The following RERG variants were observed in gnomAD, a reference collection of about 807,000 sequenced individuals.
RERG encodes the protein RAS like estrogen regulated growth inhibitor.
Under a neutral mutation model 23.2 loss-of-function variants are expected in RERG, and 25 were observed. The ratio of observed to expected loss-of-function variants is 1.08; its 90% CI spans 0.79 to 1.50. The LOEUF is 1.50. RERG is among the 40% of genes most tolerant of loss of function. The pLI is 0.00. For missense variants in RERG, 253 were observed against 250.1 expected, an observed-to-expected ratio of 1.01 and a Z score of -0.08; for synonymous variants, 81 against 89.1, an observed-to-expected ratio of 0.91 and a Z score of 0.51.
chr12:15,143,398 A>G (rs1864274133), intron 2 of RERG, among the ~76,000 whole-genome samples: 1 of 152,028 alleles, frequency 6.6e-6, no homozygotes, highest in African/African-American at 2.4e-5. Context: ...TATATAATGT[A>G]TATATTATAT....
chr12:15,110,463 CTTTTTTTTTTTTTTTTTTTTTT>C (rs869218147), intron 4 of RERG, among the ~76,000 whole-genome samples: 1 of 73,082 alleles, frequency 1.4e-5, no homozygotes, highest in Non-Finnish European at 2.4e-5. Context: ...CCATTTTTTT[CTTTTTTTTTTTTTTTTTTTTTT>C]TTTTTTTTAC....
At chr12:15,219,472 A>G (rs569159033) in intron 1 of RERG, among the ~76,000 whole-genome samples, 1 of 152,342 alleles carries the variant, frequency 6.6e-6, no homozygotes, top group South Asian at 2.1e-4. Flanking sequence ...TGTCTAAGTA[A>G]TCATTATTAG....
In RERG at chr12:15,122,368, A is replaced by G. The variant is rs115616023; in HGVS notation, c.62-1249T>C. On this transcript the variant is annotated intron_variant, in intron 2 of 4. Coordinates refer to ENST00000256953, the MANE Select transcript of RERG (RefSeq NM_032918.3). ...CTTTGCCTAGTCTCACTTTTAGGAA[A>G]AACAGAGGTATAACCTTCCTCCTGT... Among the ~76,000 whole-genome samples, 342 of 152,322 alleles carry G rather than the reference A, an allele frequency of 2.2e-3. 4 individuals are homozygous for G. The highest frequency in any genetic ancestry group is 7.9e-3 in the African/African-American group (329 of 41,562).
At chr12:15,188,874 T>G (rs1278963501) in intron 2 of RERG, among the ~76,000 whole-genome samples, 2 of 152,180 alleles carry the variant, frequency 1.3e-5, no homozygotes, top group Admixed American at 6.5e-5. Context: ...GTTATGGGAA[T>G]GCCTCAGACG....
intron 2 of RERG, among the ~76,000 whole-genome samples, chr12:15,159,835 CA>C (rs1864578955): frequency 6.6e-6 from 1 of 150,758 alleles, no homozygotes; most frequent in Non-Finnish European, 1.5e-5. Flanking sequence ...AACAAACAAA[CA>C]AAAAAATCTT....
At chr12:15,181,517 T>C (rs1242049364) in intron 2 of RERG, among the ~76,000 whole-genome samples, 1 of 152,236 alleles carries the variant, frequency 6.6e-6, no homozygotes. Flanking sequence ...GCCCTGCCAC[T>C]TACTAGTTAC....
rs565387583 is a variant in RERG, at chr12:15,196,879, G to A, written c.61+20550C>T. On this transcript the variant is annotated intron_variant, in intron 2 of 4. Transcript: ENST00000256953. Reference sequence around the variant, plus strand: ...ACACTGAAACGAAACAGTCGTAGGTGAGAATGAGAAGAGAAGTGAGAATTC... The same window carrying A: ...ACACTGAAACGAAACAGTCGTAGGTAAGAATGAGAAGAGAAGTGAGAATTC... Among the ~76,000 whole-genome samples the A allele has an allele frequency of 7.2e-4, 109 of 152,208 alleles. 1 individual carries two copies. The South Asian group carries it at 0.022, about 31-fold the overall frequency.
intron 2 of RERG, among the ~76,000 whole-genome samples, chr12:15,163,118 T>C (rs754322067): frequency 6.6e-6 from 1 of 152,162 alleles, no homozygotes; most frequent in Non-Finnish European, 1.5e-5. Flanking sequence ...GTGGAGACTA[T>C]AGCACTTTCT....
intron 2 of RERG, among the ~76,000 whole-genome samples, chr12:15,188,178 C>T (rs1203578381): frequency 1.3e-5 from 2 of 152,136 alleles, no homozygotes; most frequent in African/African-American, 4.8e-5. Context: ...TCCTTGTTCA[C>T]CAGTCCAATG....
At chr12:15,112,948 A>T (rs1436525418) in intron 3 of RERG, among the ~76,000 whole-genome samples, 1 of 152,248 alleles carries the variant, frequency 6.6e-6, no homozygotes, top group Admixed American at 6.5e-5. Context: ...ATTTAAGGAT[A>T]TCAATGAGGA....
chr12:15,210,195 T>C (rs1865347524), intron 2 of RERG, among the ~76,000 whole-genome samples: 1 of 152,142 alleles, frequency 6.6e-6, no homozygotes, highest in Non-Finnish European at 1.5e-5. Flanking sequence ...AAAAGGGGAA[T>C]TACAAGGATG....
At chr12:15,189,788 T>A (rs2136133918) in intron 2 of RERG, among the ~76,000 whole-genome samples, 1 of 152,240 alleles carries the variant, frequency 6.6e-6, no homozygotes, top group East Asian at 1.9e-4. Flanking sequence ...ACATGAGGAC[T>A]AAGAAATGGA....
intron 2 of RERG, among the ~76,000 whole-genome samples, chr12:15,172,589 A>G (rs898753797): frequency 2.5e-4 from 38 of 152,224 alleles, no homozygotes; most frequent in Non-Finnish European, 8.8e-5. Context: ...TTACATTCCT[A>G]TCAACATTAT....
chr12:15,171,261 T>C (rs1430673011), intron 2 of RERG, among the ~76,000 whole-genome samples: 1 of 152,228 alleles, frequency 6.6e-6, no homozygotes, highest in African/African-American at 2.4e-5. Context: ...CTCCGCCTTG[T>C]GGTCTTCTGA....
intron 1 of RERG, among the ~76,000 whole-genome samples, chr12:15,220,748 T>A (rs1298741472): frequency 6.6e-6 from 1 of 152,202 alleles, no homozygotes; most frequent in Non-Finnish European, 1.5e-5. Flanking sequence ...TGAGATTCTC[T>A]TCTTTTTTGG....
chr12:15,138,483 GA>G (rs1257225660), intron 2 of RERG, among the ~76,000 whole-genome samples: 3 of 151,874 alleles, frequency 2.0e-5, no homozygotes, highest in Non-Finnish European at 4.4e-5. Context: ...AGAGACTGAG[GA>G]AAAAGGCATT....
At chr12:15,111,128 T>C (rs1396919546) in intron 4 of RERG, 1 of 418,432 alleles carries the variant, frequency 2.4e-6, no homozygotes, top group African/African-American at 2.0e-5. Flanking sequence ...TATTATAGTA[T>C]TTTCAAAACC....
At chr12:15,154,261 C>A (rs2136109386) in intron 2 of RERG, 1 of 152,312 alleles carries the variant, frequency 6.6e-6, no homozygotes, top group East Asian at 1.9e-4. Context: ...CCCTGGCAAT[C>A]AATAAAGCAC....
At chr12:15,204,215 A>C (rs907959767) in intron 2 of RERG, among the ~76,000 whole-genome samples, 2 of 151,808 alleles carry the variant, frequency 1.3e-5, no homozygotes, top group Non-Finnish European at 2.9e-5. Context: ...TGGCATAAAA[A>C]CAGGCACATA....
Sources: allele counts gnomAD v4.1 joint callset (sites outside exome capture counted in the v4.1 genomes callset), GRCh38; gene constraint gnomAD v4.1.1; transcripts MANE v1.5; gene names NCBI Gene and HGNC (gene_info 2026-07-23, HGNC 2026-07-21).